The following SLC10A1 variants were observed in gnomAD, a reference collection of about 807,000 sequenced individuals.
SLC10A1 encodes the protein solute carrier family 10 member 1, also known as hepatic sodium/bile acid cotransporter.
Under a neutral mutation model 20.5 loss-of-function variants are expected in SLC10A1, and 36 were observed. That is an observed-to-expected ratio of 1.75 (90% CI 1.34 to 2.32). The LOEUF (loss-of-function observed/expected upper bound fraction) is 2.32, where lower values mean the gene tolerates loss of function less well. Among genes scored for constraint, SLC10A1 ranks in the 30% most tolerant of loss-of-function variants. The probability of loss-of-function intolerance (pLI) is 0.00; values close to 1 mark genes in which losing one functional copy is unlikely to be tolerated. For synonymous variants in SLC10A1, 188 were observed against 163.6 expected (o/e 1.15, Z -1.14); for missense variants, 545 against 439.1 (o/e 1.24, Z -2.16).
chr14:69,793,421 T>TTTTTTTTA, intron 1 of SLC10A1, among the ~76,000 whole-genome samples: 1 of 145,876 alleles, frequency 6.9e-6, no homozygotes, highest in East Asian at 1.9e-4. Context: ...GGCACATTTG[T>TTTTTTTTA]TTTTTTTATT....
chr14:69,784,078 G>T (rs866251937), intron 2 of SLC10A1, among the ~76,000 whole-genome samples: 1 of 152,164 alleles, frequency 6.6e-6, no homozygotes, highest in East Asian at 1.9e-4. Flanking sequence ...TGGAAGTCTC[G>T]GTTTGCAGAT....
chr14:69,796,786 A>G lies in SLC10A1; in HGVS notation c.356+14T>C, dbSNP rs1197523390. On this transcript the variant is annotated intron_variant, in intron 1 of 4. Coordinates refer to ENST00000216540, the MANE Select transcript of SLC10A1 (RefSeq NM_003049.4). ...TCCTGTCCCAGGCTGTTCCCTCCTC[A>G]CCCCCAGGCCTACCTGAGGTTCATG... The G allele has an allele frequency of 6.2e-7, 1 of 1,600,504 alleles. No homozygotes were observed. Among genetic ancestry groups the G allele is most frequent in the Non-Finnish European group, 8.5e-7 (1 of 1,170,522 alleles).
chr14:69,789,914 G>GTTTT (rs61078487), intron 1 of SLC10A1, among the ~76,000 whole-genome samples: 8 of 142,898 alleles, frequency 5.6e-5, no homozygotes, highest in South Asian at 2.2e-4. Flanking sequence ...CAAAAATAGG[G>GTTTT]TTTTTTTTTT....
At position 69,794,621 on chromosome 14, in the gene SLC10A1, A is replaced by G. The variant is rs562995712; in HGVS notation, c.356+2179T>C. Among the ~76,000 whole-genome samples the G allele has an allele frequency of 1.4e-3, 206 of 152,238 alleles. 1 individual carries two copies. Among genetic ancestry groups the G allele is most frequent in the Non-Finnish European group, 2.1e-3 (140 of 68,032 alleles). ...ATGTAACAAGTTGTCCCAAATTGGA[A>G]TGGGATTTGAAGTCTGGCAGCACAT... On this transcript the variant is annotated intron_variant, in intron 1 of 4. Transcript: ENST00000216540.
intron 1 of SLC10A1, among the ~76,000 whole-genome samples, chr14:69,796,142 TA>T (rs1389524299): frequency 6.6e-6 from 1 of 152,146 alleles, no homozygotes; most frequent in African/African-American, 2.4e-5. Context: ...GGCAGGGGGT[TA>T]GGGGGTGCTG....
intron 1 of SLC10A1, 102 bp downstream of exon 1, chr14:69,796,698 A>C: frequency 1.0e-6 from 1 of 980,192 alleles, no homozygotes. Flanking sequence ...CCCAGCCTGC[A>C]TTCACTCCTT....
chr14:69,784,568 A>T (rs1486784864), intron 2 of SLC10A1, among the ~76,000 whole-genome samples: 1 of 152,206 alleles, frequency 6.6e-6, no homozygotes, highest in Non-Finnish European at 1.5e-5. Context: ...CTGGCTAGGA[A>T]GGAGAGCAAA....
chr14:69,792,652 C>G (rs1882300854), intron 1 of SLC10A1, among the ~76,000 whole-genome samples: 1 of 152,144 alleles, frequency 6.6e-6, no homozygotes, highest in African/African-American at 2.4e-5. Context: ...CTCCCACGAC[C>G]CAGCAGTCCT....
At chr14:69,787,585 C>T (rs970708661) in intron 1 of SLC10A1, among the ~76,000 whole-genome samples, 1 of 152,116 alleles carries the variant, frequency 6.6e-6, no homozygotes, top group African/African-American at 2.4e-5. Flanking sequence ...GGTTCCAGAG[C>T]GTAGCCATCA....
chr14:69,792,531 G>C (rs991274733), intron 1 of SLC10A1, among the ~76,000 whole-genome samples: 2 of 152,154 alleles, frequency 1.3e-5, no homozygotes, highest in Non-Finnish European at 2.9e-5. Flanking sequence ...AAATTAAAAA[G>C]TCTGACAATT....
At chr14:69,776,558 C>T (rs1594759343) in intron 4 of SLC10A1, among the ~76,000 whole-genome samples, 170 bp from the exon 5 acceptor site, 1 of 152,168 alleles carries the variant, frequency 6.6e-6, no homozygotes, top group African/African-American at 2.4e-5. Context: ...ACTCACTTTC[C>T]CCTCAGTCTC....
At position 69,778,401 on chromosome 14, in the gene SLC10A1, A is replaced by G; in HGVS notation, c.875T>C (p.Phe292Ser). The G allele has an allele frequency of 6.2e-7, 1 of 1,613,932 alleles. No individual in the cohort carries two copies. Among genetic ancestry groups the G allele is most frequent in the Non-Finnish European group, 8.5e-7 (1 of 1,179,916 alleles). Residue 292 changes from phenylalanine to serine, a missense_variant, in exon 4 of 5, where the codon TTC becomes TCC. Transcript: ENST00000216540. ...LFFFPLLYMI[F>S]QLGEGLLLIA... Reference sequence around the variant, plus strand: ...GAGGAGAAGCCCTTCTCCAAGCTGGAAAATCATGTAGAGGAGGGGAAAGAA... The same window carrying G: ...GAGGAGAAGCCCTTCTCCAAGCTGGGAAATCATGTAGAGGAGGGGAAAGAA...
chr14:69,781,427 C>A (rs897466440), intron 2 of SLC10A1, among the ~76,000 whole-genome samples: 2 of 152,206 alleles, frequency 1.3e-5, no homozygotes, highest in African/African-American at 2.4e-5. Flanking sequence ...AGTCTACCCA[C>A]AAAGGTGGCC....
chr14:69,779,728 A>G (rs1478151020), intron 2 of SLC10A1, among the ~76,000 whole-genome samples: 2 of 152,182 alleles, frequency 1.3e-5, no homozygotes, highest in African/African-American at 2.4e-5. Context: ...CACTTTGATT[A>G]TTACAAACTC....
chr14:69,782,630 A>C (rs1252381452), intron 2 of SLC10A1, among the ~76,000 whole-genome samples: 3 of 151,978 alleles, frequency 2.0e-5, no homozygotes, highest in Non-Finnish European at 4.4e-5. Flanking sequence ...ACACGGTGAA[A>C]CCCCGTCTTT....
intron 1 of SLC10A1, among the ~76,000 whole-genome samples, chr14:69,793,907 T>C (rs565425857): frequency 6.2e-4 from 95 of 152,332 alleles, no homozygotes; most frequent in Non-Finnish European, 1.1e-3. Flanking sequence ...TCTAGTGGCC[T>C]TCCTTGAGGA....
chr14:69,776,396 G>GT lies in SLC10A1; in HGVS notation c.944-9dup. The GT allele has an allele frequency of 4.4e-6, 7 of 1,592,664 alleles. No individual in the cohort carries two copies. The highest frequency in any genetic ancestry group is 6.0e-6 in the Non-Finnish European group (7 of 1,163,338). ...AGATCATTTTTGTTTTATCTGTAAAGTTAAAAAGGGTTACAGGTGTAGAGA... is the reference window on the plus strand; with the variant it reads ...AGATCATTTTTGTTTTATCTGTAAAGTTTAAAAAGGGTTACAGGTGTAGAGA... On this transcript the variant is annotated splice_polypyrimidine_tract_variant and intron_variant, in intron 4 of 4. Transcript: ENST00000216540.
intron 4 of SLC10A1, 96 bp downstream of exon 4, chr14:69,778,237 C>T (rs1883494805): frequency 3.0e-6 from 3 of 1,014,634 alleles, no homozygotes; most frequent in Non-Finnish European, 4.4e-6. Context: ...AGAGTTAAAG[C>T]CCTATCCAAA....
intron 1 of SLC10A1, among the ~76,000 whole-genome samples, chr14:69,788,652 C>T (rs929477212): frequency 2.6e-5 from 4 of 151,394 alleles, no homozygotes; most frequent in African/African-American, 9.7e-5. Context: ...TCACGCTATT[C>T]TTCTGTCTCA....
Sources: allele counts gnomAD v4.1 joint callset (sites outside exome capture counted in the v4.1 genomes callset), GRCh38; gene constraint gnomAD v4.1.1; transcripts MANE v1.5; gene names NCBI Gene and HGNC (gene_info 2026-07-23, HGNC 2026-07-21).